Variants in LANCL1 observed in about 807,000 individuals in gnomAD.
LANCL1 encodes glutathione S-transferase LANCL1.
A neutral mutation model predicts 50.6 loss-of-function variants in LANCL1; 50 were observed. The observed-to-expected ratio is 0.99, with a 90% CI of 0.79 to 1.25. The LOEUF (loss-of-function observed/expected upper bound fraction) is 1.25, where lower values mean the gene tolerates loss of function less well. Among genes scored for constraint, LANCL1 ranks in the 50% most tolerant of loss-of-function variants. The pLI is 0.00. For missense variants in LANCL1, 532 were observed against 480.7 expected, an observed-to-expected ratio of 1.11 and a Z score of -1.00; for synonymous variants, 188 against 178.6, an observed-to-expected ratio of 1.05 and a Z score of -0.42.
intron 4 of LANCL1, among the ~76,000 whole-genome samples, chr2:210,452,774 C>T (rs1693548518): frequency 6.6e-6 from 1 of 152,000 alleles, no homozygotes; most frequent in African/African-American, 2.4e-5. Context: ...AAAAATTATG[C>T]TTTTGAAAGA....
chr2:210,440,562 A>T, intron 6 of LANCL1, 36 bp downstream of exon 6: 2 of 1,589,072 alleles, frequency 1.3e-6, no homozygotes, highest in South Asian at 1.2e-5. Context: ...TGGGTCAGGA[A>T]GGACATTTTA....
intron 2 of LANCL1, among the ~76,000 whole-genome samples, chr2:210,475,579 T>C (rs1694332453): frequency 6.6e-6 from 1 of 152,178 alleles, no homozygotes; most frequent in Admixed American, 6.5e-5. Flanking sequence ...GCAATCCTCC[T>C]GCCTTGATTT....
At chr2:210,452,351 T>C (rs180916300) in intron 4 of LANCL1, among the ~76,000 whole-genome samples, 1 of 152,122 alleles carries the variant, frequency 6.6e-6, no homozygotes, top group African/African-American at 2.4e-5. Flanking sequence ...CAAAGCACTA[T>C]AAATGTTAGG....
chr2:210,464,204 T>C, intron 3 of LANCL1, among the ~76,000 whole-genome samples: 1 of 152,332 alleles, frequency 6.6e-6, no homozygotes, highest in East Asian at 1.9e-4. Flanking sequence ...TAGCGTTAAT[T>C]ATCAGACCAT....
rs1312831264 is a variant in LANCL1 at position 210,431,660 on chromosome 2, G to A, written c.*2827C>T. ...GTAGCAGAGTATGTCTCTCAATTCA[G>A]TTATTTAGGAAATGTTAATAAAGAA... On this transcript the variant is annotated 3_prime_UTR_variant, in exon 10 of 10. Coordinates refer to ENST00000450366, the MANE Select transcript of LANCL1 (RefSeq NM_006055.3). 3 of 152,142 alleles carry A rather than the reference G, an allele frequency of 2.0e-5. No individual in the cohort carries two copies. Among genetic ancestry groups the A allele is most frequent in the Non-Finnish European group, 4.4e-5 (3 of 68,030 alleles). The allele number at this position is 152,142 out of a possible 1,614,324, so 9.4% of individuals were successfully genotyped here.
chr2:210,462,785 T>A (rs1693904130), intron 3 of LANCL1, among the ~76,000 whole-genome samples: 1 of 152,256 alleles, frequency 6.6e-6, no homozygotes, highest in Admixed American at 6.5e-5. Flanking sequence ...TAATTACTCT[T>A]GCCTAATAAG....
intron 3 of LANCL1, among the ~76,000 whole-genome samples, chr2:210,458,518 G>C (rs1365870973): frequency 6.6e-6 from 1 of 152,204 alleles, no homozygotes; most frequent in Admixed American, 6.5e-5. Context: ...ACAGTTAGGA[G>C]GATGCTTCAG....
At position 210,476,676 on chromosome 2, in the gene LANCL1, G is replaced by A; in HGVS notation, c.-73C>T. 9 of 1,216,694 alleles carry A rather than the reference G, an allele frequency of 7.4e-6. No individual in the cohort carries two copies. The highest frequency in any genetic ancestry group is 9.2e-6 in the Non-Finnish European group (9 of 973,980). 75.4% of individuals were successfully genotyped at this position (1,216,694 alleles called of 1,614,324 possible). A position where few individuals can be genotyped will look rare whatever the true frequency, so the allele number is the denominator to read the frequency against. ...TTCCCACGCCCGCGACTTGAAGCAA[G>A]TGCGCCTCCCGCGTCCTGAAGCCCT... On this transcript the variant is annotated 5_prime_UTR_variant, in exon 1 of 10. Coordinates refer to ENST00000450366, the MANE Select transcript of LANCL1 (RefSeq NM_006055.3).
In LANCL1 at chr2:210,435,370, TAA is replaced by T. The variant is rs1692891196; in HGVS notation, c.1123+15_1123+16del. The T allele has an allele frequency of 6.3e-7, 1 of 1,591,656 alleles. No individual in the cohort carries two copies. The highest frequency in any genetic ancestry group is 1.1e-5 in the South Asian group (1 of 90,574). ...ATGCTGATATTATAGGGCAAATAAA[TAA>T]AGTGTACAAAATACCTTCAAAGAGA... On this transcript the variant is annotated intron_variant, in intron 9 of 9. Coordinates refer to ENST00000450366, the MANE Select transcript of LANCL1 (RefSeq NM_006055.3).
In LANCL1 at chr2:210,432,152, A is replaced by T. The variant is rs1559701982; in HGVS notation, c.*2335T>A. 1.3e-5 allele frequency: 2 copies of T among 152,256 alleles called. No individual in the cohort carries two copies. The highest frequency in any genetic ancestry group is 2.9e-5 in the Non-Finnish European group (2 of 68,044). The allele number at this position is 152,256 out of a possible 1,614,324, so 9.4% of individuals were successfully genotyped here. ...GCCTAGTATAAAAGTTTCTTTAGTTACTACCATGTTGTTAGGGGATTGTCT... is the reference window on the plus strand; with the variant it reads ...GCCTAGTATAAAAGTTTCTTTAGTTTCTACCATGTTGTTAGGGGATTGTCT... On this transcript the variant is annotated 3_prime_UTR_variant, in exon 10 of 10. Coordinates refer to ENST00000450366, the MANE Select transcript of LANCL1 (RefSeq NM_006055.3).
intron 4 of LANCL1, among the ~76,000 whole-genome samples, chr2:210,448,355 T>C (rs568737188): frequency 6.6e-6 from 1 of 152,258 alleles, no homozygotes; most frequent in East Asian, 1.9e-4. Flanking sequence ...TAAAGCAGCG[T>C]TTAGAGGGAA....
chr2:210,444,417 G>A (rs541521140), intron 4 of LANCL1, among the ~76,000 whole-genome samples: 1 of 152,292 alleles, frequency 6.6e-6, no homozygotes, highest in South Asian at 2.1e-4. Context: ...TAAATAAGCA[G>A]AATGAGATGA....
chr2:210,462,739 G>C (rs959779274), intron 3 of LANCL1, among the ~76,000 whole-genome samples: 1 of 152,102 alleles, frequency 6.6e-6, no homozygotes, highest in Non-Finnish European at 1.5e-5. Context: ...AGTCTTCTCA[G>C]GGTTTATGTC....
chr2:210,445,408 T>C (rs1054334206), intron 4 of LANCL1, among the ~76,000 whole-genome samples: 5 of 152,308 alleles, frequency 3.3e-5, no homozygotes, highest in East Asian at 1.9e-4. Context: ...CTTTCAAATA[T>C]TTATCTAAAA....
chr2:210,436,336 CCAGATCACAT>C lies in LANCL1; in HGVS notation c.920_929del (p.Asp307GlyfsTer6), dbSNP rs979602782. 1 of 1,614,008 alleles carries C rather than the reference CCAGATCACAT, an allele frequency of 6.2e-7. No homozygotes were observed. The highest frequency in any genetic ancestry group is 1.7e-5 in the Admixed American group (1 of 60,006). On this transcript the variant is annotated frameshift_variant, in exon 8 of 10. Transcript: ENST00000450366. LOFTEE classifies it high-confidence loss of function. ...ATCCCTTCTTCAGCAACCCATATTG[CCAGATCACAT>C]CAGCACACTGATAGGCATCACAGAG...
At chr2:210,441,485 C>T (rs746223296) in intron 4 of LANCL1, 42 bp from the exon 5 acceptor site, 131 of 1,560,458 alleles carry the variant, frequency 8.4e-5, no homozygotes, top group Non-Finnish European at 1.1e-4. Context: ...TGAAAGGAAC[C>T]AGGTATTGGT....
At chr2:210,448,824 A>G (rs560126324) in intron 4 of LANCL1, among the ~76,000 whole-genome samples, 2 of 152,314 alleles carry the variant, frequency 1.3e-5, no homozygotes, top group East Asian at 3.9e-4. Context: ...GAATCCCTGA[A>G]TAGACCAATA....
intron 3 of LANCL1, among the ~76,000 whole-genome samples, chr2:210,466,625 C>T (rs1333209427): frequency 6.6e-6 from 1 of 152,174 alleles, no homozygotes; most frequent in Non-Finnish European, 1.5e-5. Flanking sequence ...CAAGACCATG[C>T]TTGTGTCTCT....
intron 3 of LANCL1, among the ~76,000 whole-genome samples, chr2:210,470,661 G>A (rs1379872645): frequency 6.6e-6 from 1 of 152,028 alleles, no homozygotes; most frequent in Admixed American, 6.6e-5. Context: ...TTCAGATTTG[G>A]GATGCTCAAC....
Sources: gnomAD v4.1 joint callset for allele counts (sites outside exome capture counted in the v4.1 genomes callset) on GRCh38, gnomAD v4.1.1 for gene constraint, MANE v1.5 for transcripts, NCBI Gene and HGNC (gene_info 2026-07-23, HGNC 2026-07-21) for gene names.